Variants in ATRN observed in about 807,000 individuals in gnomAD.
ATRN encodes attractin-2.
Under a neutral mutation model 178.7 loss-of-function variants are expected in ATRN, and 54 were observed. The observed-to-expected ratio is 0.30, with a 90% confidence interval of 0.24 to 0.38. The LOEUF (loss-of-function observed/expected upper bound fraction) is 0.38, where lower values mean the gene tolerates loss of function less well. Among genes scored for constraint, ATRN ranks in the 10% least tolerant of loss-of-function variants. The probability of loss-of-function intolerance (pLI) is 1.00; values close to 1 mark genes in which losing one functional copy is unlikely to be tolerated. For missense variants in ATRN, 1,443 were observed against 1,815.1 expected (o/e 0.79, Z 3.73); for synonymous variants, 636 against 663.0 (o/e 0.96, Z 0.63).
chr20:3,497,369 T>A (rs1260740446), intron 1 of ATRN, among the ~76,000 whole-genome samples: 1 of 152,158 alleles, frequency 6.6e-6, no homozygotes, highest in Admixed American at 6.5e-5. Context: ...GGTGACAGAA[T>A]CTCTCAGCAT....
intron 16 of ATRN, 65 bp downstream of exon 16, chr20:3,582,419 G>A: frequency 7.0e-7 from 1 of 1,432,364 alleles, no homozygotes; most frequent in Non-Finnish European, 9.8e-7. Flanking sequence ...AGGAGGCATA[G>A]TTCATTGCTG....
rs567371721 is a variant in ATRN at position 3,596,551 on chromosome 20, AG to A, written c.3469+123del. On this transcript the variant is annotated intron_variant, in intron 21 of 28. Coordinates refer to ENST00000262919, the MANE Select transcript of ATRN (RefSeq NM_139321.3). ...TAGCAGCCACCAATGAAGTGTTCCC[AG>A]ACTTGATATGTTTACATTCTGTTAA... is the stretch of plus-strand genomic sequence containing the variant. 1.9e-4 allele frequency: 165 copies of A among 876,516 alleles called. No individual in the cohort carries two copies. In the African/African-American group the frequency reaches 2.3e-3, roughly 12 times the overall value. 54.3% of individuals were successfully genotyped at this position (876,516 alleles called of 1,614,324 possible).
At chr20:3,497,521 T>G (rs1326810206) in intron 1 of ATRN, among the ~76,000 whole-genome samples, 4 of 152,152 alleles carry the variant, frequency 2.6e-5, no homozygotes, top group Non-Finnish European at 4.4e-5. Context: ...GAGTTTCTGC[T>G]GAGAGATCAG....
Position 3,614,474 on chromosome 20 carries a change from C to A in ATRN, c.3802-10037C>A, listed in dbSNP as rs541886689. On this transcript the variant is annotated intron_variant, in intron 24 of 28. Coordinates refer to ENST00000262919, the MANE Select transcript of ATRN (RefSeq NM_139321.3). Reference sequence around the variant, plus strand: ...TTCATCTACTGTTTTATGTAAGAGGCCAGTGTTCACAAGTAAAGGCAACAC... The same window carrying A: ...TTCATCTACTGTTTTATGTAAGAGGACAGTGTTCACAAGTAAAGGCAACAC... 1.2e-4 allele frequency among the ~76,000 whole-genome samples: 18 copies of A among 152,220 alleles called. No homozygotes were observed. The East Asian group carries it at 3.3e-3, about 28-fold the overall frequency.
intron 15 of ATRN, among the ~76,000 whole-genome samples, chr20:3,579,872 G>T (rs1568742684): frequency 6.6e-6 from 1 of 152,104 alleles, no homozygotes; most frequent in Non-Finnish European, 1.5e-5. Context: ...CCTGGGTCTC[G>T]GCTGCCTGTG....
intron 26 of ATRN, among the ~76,000 whole-genome samples, chr20:3,635,662 A>G (rs927809987): frequency 6.6e-6 from 1 of 152,104 alleles, no homozygotes; most frequent in East Asian, 1.9e-4. Flanking sequence ...CACAACTCAC[A>G]AGCACTCAGC....
At chr20:3,630,675 G>A (rs1052088125) in intron 25 of ATRN, among the ~76,000 whole-genome samples, 3 of 152,164 alleles carry the variant, frequency 2.0e-5, no homozygotes, top group South Asian at 2.1e-4. Flanking sequence ...AGAATAAGTC[G>A]AGGAAGTACT....
chr20:3,640,005 G>T (rs964185908), intron 27 of ATRN, among the ~76,000 whole-genome samples: 1 of 152,138 alleles, frequency 6.6e-6, no homozygotes, highest in African/African-American at 2.4e-5. Context: ...GAGGCAAGCC[G>T]CCATAAATAA....
chr20:3,643,515 AAAAG>A (rs1271567187), intron 27 of ATRN, among the ~76,000 whole-genome samples: 2 of 152,090 alleles, frequency 1.3e-5, no homozygotes, highest in Non-Finnish European at 2.9e-5. Context: ...TTTAAAAAAA[AAAAG>A]GAAAGGAAAG....
intron 1 of ATRN, among the ~76,000 whole-genome samples, chr20:3,534,739 TAGG>T (rs1264008069): frequency 1.3e-5 from 2 of 152,148 alleles, no homozygotes; most frequent in Admixed American, 1.3e-4. Flanking sequence ...GAGGCCAAGA[TAGG>T]AGGATTGCTT....
intron 1 of ATRN, among the ~76,000 whole-genome samples, chr20:3,481,151 A>G (rs553995235): frequency 2.6e-5 from 4 of 151,696 alleles, no homozygotes; most frequent in African/African-American, 9.7e-5. Flanking sequence ...CTATACTTCA[A>G]ACTGCTCTGT....
chr20:3,545,016 A>C (rs989410978), intron 3 of ATRN, among the ~76,000 whole-genome samples: 5 of 152,156 alleles, frequency 3.3e-5, no homozygotes, highest in Non-Finnish European at 2.9e-5. Context: ...TCAGAATACT[A>C]ACAGTGTTGG....
chr20:3,536,040 T>C (rs1430152488), intron 2 of ATRN, among the ~76,000 whole-genome samples: 4 of 152,144 alleles, frequency 2.6e-5, no homozygotes, highest in South Asian at 2.1e-4. Context: ...ATAACTGTTA[T>C]TGCCTAAATG....
chr20:3,483,287 A>G (rs893830005), intron 1 of ATRN, among the ~76,000 whole-genome samples: 1 of 152,102 alleles, frequency 6.6e-6, no homozygotes, highest in African/African-American at 2.4e-5. Context: ...TTACTTACCC[A>G]TTTTCCTGCT....
rs919164574 is a variant in ATRN, at chr20:3,531,127, G to C, written c.411-4126G>C. On this transcript the variant is annotated intron_variant, in intron 1 of 28. Transcript: ENST00000262919. ...AAAACTTGACCTGAAATTTTAGGTT[G>C]ATATTCCTGGCCTTTCTCTTTCAAA... 1.2e-4 allele frequency among the ~76,000 whole-genome samples: 19 copies of C among 152,144 alleles called. 1 individual carries two copies. Among genetic ancestry groups the C allele is most frequent in the African/African-American group, 4.6e-4 (19 of 41,422 alleles).
intron 10 of ATRN, among the ~76,000 whole-genome samples, chr20:3,564,540 A>C (rs1441871109): frequency 1.3e-5 from 2 of 152,204 alleles, no homozygotes; most frequent in Non-Finnish European, 2.9e-5. Context: ...CCAGAAGAGA[A>C]GTTGCTAGTA....
chr20:3,618,089 T>G (rs1221944395), intron 24 of ATRN, among the ~76,000 whole-genome samples: 1 of 152,198 alleles, frequency 6.6e-6, no homozygotes, highest in Non-Finnish European at 1.5e-5. Flanking sequence ...TGTAGCTGTG[T>G]GTGGGTAACA....
intron 24 of ATRN, among the ~76,000 whole-genome samples, chr20:3,616,252 C>T (rs1045353646): frequency 6.6e-6 from 1 of 152,136 alleles, no homozygotes; most frequent in African/African-American, 2.4e-5. Context: ...TAGCAGACTT[C>T]TCTCCTGTGA....
chr20:3,613,511 G>A (rs1378332134), intron 24 of ATRN, among the ~76,000 whole-genome samples: 4 of 152,172 alleles, frequency 2.6e-5, no homozygotes, highest in Non-Finnish European at 4.4e-5. Flanking sequence ...GTGTAGCATG[G>A]CTCTTAAATA....
Sources: allele counts gnomAD v4.1 joint callset (sites outside exome capture counted in the v4.1 genomes callset), GRCh38; gene constraint gnomAD v4.1.1; transcripts MANE v1.5; gene names NCBI Gene and HGNC (gene_info 2026-07-23, HGNC 2026-07-21).